ANOS1: variants seen among roughly 807,000 people sequenced by gnomAD.
The protein encoded by ANOS1 is anosmin-1.
Under a neutral mutation model 59.0 loss-of-function variants are expected in ANOS1, and 6 were observed. The observed-to-expected ratio is 0.10, with a 90% CI of 0.06 to 0.20. The LOEUF (loss-of-function observed/expected upper bound fraction) is 0.20. Ranked by LOEUF, ANOS1 falls within the 10% of genes least tolerant of loss-of-function variation. ANOS1 has a pLI of 1.00. For synonymous variants in ANOS1, 217 were observed against 223.4 expected (o/e 0.97, Z 0.25); for missense variants, 433 against 542.3 (o/e 0.80, Z 2.00).
At chrX:8,573,111 G>A (rs1180362364) in intron 6 of ANOS1, among the ~76,000 whole-genome samples, 1 of 102,133 alleles carries the variant, frequency 9.8e-6, no homozygotes, top group Non-Finnish European at 2.0e-5. Flanking sequence ...CCAGGCTGGA[G>A]TGCAATGGTG....
chrX:8,557,358 A>G (rs1929965757), intron 8 of ANOS1, among the ~76,000 whole-genome samples: 1 of 112,257 alleles, frequency 8.9e-6, no homozygotes, highest in Admixed American at 9.4e-5. Flanking sequence ...TCTGCACAGC[A>G]AAAGAAACTA....
chrX:8,693,826 C>T (rs1309208996), intron 2 of ANOS1, among the ~76,000 whole-genome samples: 2 of 102,949 alleles, frequency 1.9e-5, no homozygotes, highest in African/African-American at 3.6e-5. Context: ...AGGGTTCAAG[C>T]GACTCTCCTT....
At chrX:8,680,266 TG>T (rs1461921742) in intron 2 of ANOS1, among the ~76,000 whole-genome samples, 1 of 108,323 alleles carries the variant, frequency 9.2e-6, no homozygotes, top group Non-Finnish European at 1.9e-5. Flanking sequence ...TCACCCAGGC[TG>T]GGCTGCAATG....
intron 3 of ANOS1, among the ~76,000 whole-genome samples, chrX:8,616,468 T>G (rs12855912): frequency 9.0e-6 from 1 of 111,574 alleles, no homozygotes; most frequent in Non-Finnish European, 1.9e-5. Context: ...TGCATGGCAT[T>G]TGTTCTTTCA....
chrX:8,573,694 A>C (rs12007994), intron 6 of ANOS1, among the ~76,000 whole-genome samples: 24,229 of 110,216 alleles, frequency 0.22, 2,891 homozygotes, highest in African/African-American at 0.44. Flanking sequence ...TGTCCCAAAG[A>C]AAAATCATGA....
chrX:8,665,285 G>C (rs1319956583), intron 2 of ANOS1, among the ~76,000 whole-genome samples: 1 of 112,303 alleles, frequency 8.9e-6, no homozygotes, highest in African/African-American at 3.2e-5. Context: ...AGAAGATAAA[G>C]CTCTGCCTTA....
At chrX:8,647,495 C>G (rs2146861573) in intron 2 of ANOS1, among the ~76,000 whole-genome samples, 1 of 111,604 alleles carries the variant, frequency 9.0e-6, no homozygotes, top group South Asian at 3.8e-4. Flanking sequence ...ACTGTCACCG[C>G]AATTCAAAGG....
At chrX:8,592,516 T>G (rs1171116571) in intron 4 of ANOS1, among the ~76,000 whole-genome samples, 3 of 112,009 alleles carry the variant, frequency 2.7e-5, no homozygotes, top group Admixed American at 9.5e-5. Flanking sequence ...TTTTTAACTT[T>G]TCTTTCTCCC....
At chrX:8,717,109 T>G (rs758840470) in intron 1 of ANOS1, among the ~76,000 whole-genome samples, 1 of 111,509 alleles carries the variant, frequency 9.0e-6, no homozygotes, top group Non-Finnish European at 1.9e-5. Flanking sequence ...GTGTCATAGT[T>G]GACAAACCCT....
chrX:8,680,264 G>A (rs1932404180), intron 2 of ANOS1, among the ~76,000 whole-genome samples: 1 of 107,738 alleles, frequency 9.3e-6, no homozygotes, highest in African/African-American at 3.4e-5. Context: ...TGTCACCCAG[G>A]CTGGGCTGCA....
At chrX:8,586,374 C>G (rs1429869617) in intron 5 of ANOS1, among the ~76,000 whole-genome samples, 1 of 112,435 alleles carries the variant, frequency 8.9e-6, no homozygotes. Context: ...ATGTGGCTTT[C>G]TACCTGATTT....
chrX:8,725,523 T>TATATATATACAG (rs1569092018), intron 1 of ANOS1, among the ~76,000 whole-genome samples: 21 of 70,381 alleles, frequency 3.0e-4, no homozygotes, highest in African/African-American at 6.2e-4. Flanking sequence ...TATACAGATA[T>TATATATATACAG]ATATATATAT....
chrX:8,631,498 C>A (rs1310335202), intron 2 of ANOS1, among the ~76,000 whole-genome samples: 1 of 111,762 alleles, frequency 8.9e-6, no homozygotes, highest in Non-Finnish European at 1.9e-5. Context: ...TTGGGCTATG[C>A]GAAAACTAGA....
chrX:8,582,511 T>C (rs1014571604), intron 6 of ANOS1, among the ~76,000 whole-genome samples: 34 of 111,665 alleles, frequency 3.0e-4, no homozygotes, highest in Non-Finnish European at 5.1e-4. Context: ...CAACTGGGTC[T>C]TAAAATCCAT....
At chrX:8,632,612 G>A (rs1376616364) in intron 2 of ANOS1, among the ~76,000 whole-genome samples, 1 of 111,272 alleles carries the variant, frequency 9.0e-6, no homozygotes, top group Admixed American at 9.6e-5. Flanking sequence ...TTCTGTGTGT[G>A]GCCAGAACAT....
chrX:8,639,322 C>T (rs1931621403), intron 2 of ANOS1, among the ~76,000 whole-genome samples: 1 of 111,399 alleles, frequency 9.0e-6, no homozygotes, highest in Non-Finnish European at 1.9e-5. Context: ...TAATTTAATG[C>T]CACTACATGT....
At position 8,668,428 on chromosome X, in the gene ANOS1, T is replaced by TACAC. The variant is rs1191819584; in HGVS notation, c.255+31269_255+31270insGTGT. On this transcript the variant is annotated intron_variant, in intron 2 of 13. Transcript: ENST00000262648. ...ATATATATATATATATATATATATATATACACACACATACATATATATATA... is the reference window on the plus strand; with the variant it reads ...ATATATATATATATATATATATATATACACATACACACACATACATATATATATA... 2.9e-3 allele frequency among the ~76,000 whole-genome samples: 240 copies of TACAC among 83,513 alleles called. 2 individuals are homozygous for TACAC. The highest frequency in any genetic ancestry group is 6.2e-3 in the Middle Eastern group (1 of 161). 72.5% of individuals were successfully genotyped at this position (83,513 alleles called of 115,157 possible).
At chrX:8,573,812 A>G (rs766767440) in intron 6 of ANOS1, among the ~76,000 whole-genome samples, 1 of 111,097 alleles carries the variant, frequency 9.0e-6, no homozygotes, top group East Asian at 2.8e-4. Context: ...TCTGGCCCCA[A>G]CCCTTGAAGT....
intron 2 of ANOS1, among the ~76,000 whole-genome samples, chrX:8,624,707 TAATA>T (rs1229128753): frequency 9.0e-6 from 1 of 111,222 alleles, no homozygotes; most frequent in Non-Finnish European, 1.9e-5. Context: ...ACGTTTGTAA[TAATA>T]AATAGTAAGA....
Sources: allele counts gnomAD v4.1 joint callset (sites outside exome capture counted in the v4.1 genomes callset), GRCh38; gene constraint gnomAD v4.1.1; transcripts MANE v1.5; gene names NCBI Gene and HGNC (gene_info 2026-07-23, HGNC 2026-07-21).